The following PLCH2 variants were observed in gnomAD, a reference collection of about 807,000 sequenced individuals.
PLCH2 encodes the protein phospholipase C eta 2.
Under a neutral mutation model 134.7 loss-of-function variants are expected in PLCH2, and 98 were observed. The observed-to-expected ratio is 0.73, with a 90% confidence interval of 0.62 to 0.86. PLCH2 has a LOEUF of 0.86. Ranked by LOEUF, PLCH2 falls within the 40% of genes least tolerant of loss-of-function variation. PLCH2 has a pLI of 0.00. For missense variants in PLCH2, 1,994 were observed against 1,986.6 expected (o/e 1.00, Z -0.07); for synonymous variants, 974 against 827.5 (o/e 1.18, Z -3.04).
upstream of PLCH2, among the ~76,000 whole-genome samples, chr1:2,463,452 C>T (rs932934896): frequency 3.3e-5 from 5 of 152,216 alleles, no homozygotes; most frequent in Admixed American, 1.3e-4. Context: ...GTTTGCTGAA[C>T]GGGGCTGCAG....
Position 2,444,854 on chromosome 1 carries a change from C to T in PLCH2, c.115+14225C>T, listed in dbSNP as rs990679987. Among the ~76,000 whole-genome samples, 8 of 152,008 alleles carry T rather than the reference C, an allele frequency of 5.3e-5. No homozygotes were observed. Among genetic ancestry groups the T allele is most frequent in the African/African-American group, 1.2e-4 (5 of 41,372 alleles). On this transcript the variant is annotated intron_variant, in intron 2 of 3. Transcript: ENST00000609981. This position sits in a 1 kb window ranked among gnomAD's most constrained non-coding sequence, Gnocchi z 4.6. Reference sequence around the variant, plus strand: ...ACGTTGGTCTGGGGAGGCGGGGTCACGGTGCCCCAACACCCCTGACTTGGG... The same window carrying T: ...ACGTTGGTCTGGGGAGGCGGGGTCATGGTGCCCCAACACCCCTGACTTGGG...
chr1:2,447,122 C>G (rs1445279307), intron 2 of PLCH2, among the ~76,000 whole-genome samples: 1 of 152,242 alleles, frequency 6.6e-6, no homozygotes, highest in Non-Finnish European at 1.5e-5. Flanking sequence ...GAGCAGGCTC[C>G]TCATGCCTGC....
chr1:2,479,809 T>G lies in PLCH2; in HGVS notation c.347T>G (p.Phe116Cys). Residue 116 changes from phenylalanine (F) to cysteine (C), a missense_variant, in exon 3 of 22, where the codon TTC (phenylalanine) becomes TGC (cysteine). Phe to Cys is a radical substitution (Grantham distance 205). Around this residue, in one of 2 missense-constraint regions of PLCH2, gnomAD observed 1,094 missense variants for 1,234.3 expected, o/e 0.89. Transcript: ENST00000378486. ...EVFQRYPDGS[F>C]DPNCCFSIYH... is the part of the protein sequence containing the mutation. ...TTCCAGCGCTACCCTGACGGCAGCT[T>G]CGACCCCAACTGCTGCTTCAGCATC... 6.3e-7 allele frequency: 1 copy of G among 1,596,412 alleles called. No individual in the cohort carries two copies. Among genetic ancestry groups the G allele is most frequent in the Middle Eastern group, 1.7e-4 (1 of 6,032 alleles).
chr1:2,482,943 A>G (rs1432474394), intron 4 of PLCH2, among the ~76,000 whole-genome samples: 1 of 152,130 alleles, frequency 6.6e-6, no homozygotes. Context: ...GGCCCTTTGT[A>G]GCCTGCTTCC....
upstream of PLCH2, among the ~76,000 whole-genome samples, chr1:2,421,777 C>T (rs572726676): frequency 6.6e-6 from 1 of 152,178 alleles, no homozygotes; most frequent in African/African-American, 2.4e-5. Flanking sequence ...AGTTTGAGAC[C>T]AGCCTGGCCA....
chr1:2,457,928 G>A (rs1184650511), intron 2 of PLCH2, among the ~76,000 whole-genome samples: 4 of 151,526 alleles, frequency 2.6e-5, no homozygotes, highest in South Asian at 2.1e-4. Flanking sequence ...ATGGCCACCC[G>A]GCCCATGCTG....
At chr1:2,427,921 A>T (rs1364082837) in intron 1 of PLCH2, among the ~76,000 whole-genome samples, 1 of 152,020 alleles carries the variant, frequency 6.6e-6, no homozygotes, top group Admixed American at 6.5e-5. Context: ...CTGGGAACTT[A>T]GGGCTGTAGG....
intron 11 of PLCH2, chr1:2,492,474 C>G (rs1485424066): frequency 6.6e-6 from 1 of 152,248 alleles, no homozygotes; most frequent in East Asian, 1.9e-4. Context: ...GACCTCAGGT[C>G]TGAGCGGCTG....
At chr1:2,426,191 T>C (rs1638790078) in intron 1 of PLCH2, among the ~76,000 whole-genome samples, 1 of 152,226 alleles carries the variant, frequency 6.6e-6, no homozygotes. Context: ...TCTGTGCAGA[T>C]GTCAGCGCGG....
At chr1:2,453,533 CT>C (rs949017970) in intron 2 of PLCH2, among the ~76,000 whole-genome samples, 66 of 152,168 alleles carry the variant, frequency 4.3e-4, no homozygotes, top group African/African-American at 1.5e-3. Flanking sequence ...ACAGGACCTC[CT>C]TCACGTGTCC....
upstream of PLCH2, among the ~76,000 whole-genome samples, chr1:2,474,176 G>T (rs570031377): frequency 6.6e-6 from 1 of 152,136 alleles, no homozygotes; most frequent in African/African-American, 2.4e-5. Context: ...GACCTTGTGT[G>T]GGGGCTGGGC....
At chr1:2,468,406 C>G (rs988003012) in intron 1 of PLCH2, among the ~76,000 whole-genome samples, 1 of 152,368 alleles carries the variant, frequency 6.6e-6, no homozygotes, top group South Asian at 2.1e-4. Context: ...TGGCGGAAGC[C>G]CCGGGGCTGT....
chr1:2,496,227 G>A (rs970846412), intron 13 of PLCH2, among the ~76,000 whole-genome samples: 3 of 152,122 alleles, frequency 2.0e-5, no homozygotes, highest in Admixed American at 6.5e-5. Flanking sequence ...GCTGCCACCC[G>A]GCCGACACGG....
chr1:2,436,322 C>CT (rs151310325), intron 2 of PLCH2, among the ~76,000 whole-genome samples: 13 of 22,198 alleles, frequency 5.9e-4, no homozygotes, highest in Non-Finnish European at 7.6e-4. Flanking sequence ...CCCTTCCTCC[C>CT]TCCTCCCTTC....
rs1570286925 is a variant in PLCH2, at chr1:2,448,211, T to A, written c.115+17582T>A. Among the ~76,000 whole-genome samples the A allele has an allele frequency of 6.6e-6, 1 of 152,192 alleles. No homozygotes were observed. Among genetic ancestry groups the A allele is most frequent in the South Asian group, 2.1e-4 (1 of 4,824 alleles). Reference sequence around the variant, plus strand: ...GGAGGGGTGTGTTTCCTGCAGCTGCTGGGACCGGCTGCCGTGCACTGGCCA... The same window carrying A: ...GGAGGGGTGTGTTTCCTGCAGCTGCAGGGACCGGCTGCCGTGCACTGGCCA... On this transcript the variant is annotated intron_variant, in intron 2 of 3. Transcript: ENST00000609981. This position sits in a 1 kb window ranked among gnomAD's most constrained non-coding sequence, Gnocchi z 4.0.
At chr1:2,456,552 G>T (rs1267889054) in intron 2 of PLCH2, among the ~76,000 whole-genome samples, 1 of 152,240 alleles carries the variant, frequency 6.6e-6, no homozygotes, top group African/African-American at 2.4e-5. Flanking sequence ...GGGGTGGCTC[G>T]TCCTGTGCAG....
chr1:2,494,945 C>T lies in PLCH2; in HGVS notation c.1749C>T (p.Arg583=), dbSNP rs1421748330. The T allele has an allele frequency of 1.3e-6, 2 of 1,586,116 alleles. No homozygotes were observed. The highest frequency in any genetic ancestry group is 3.5e-5 in the Admixed American group (2 of 56,930). The part of the protein sequence containing the change: ...GRLVVGSFSR[R]KKKGSKLKKA... ...TCGTCGTGGGAAGCTTCTCCAGGCG[C>T]AAGGTCCGGCGCAGCTCCCAGGCCA... is the stretch of plus-strand genomic sequence containing the variant. Residue 583 remains arginine (R), a synonymous_variant, in exon 12 of 22, where the codon CGC becomes CGT. Coordinates refer to ENST00000378486, the MANE Select transcript of PLCH2 (RefSeq NM_014638.4).
At chr1:2,497,827 C>T (rs1247692057) in intron 16 of PLCH2, 4 of 509,118 alleles carry the variant, frequency 7.9e-6, no homozygotes, top group South Asian at 3.3e-5. Flanking sequence ...GGCCCAGCTC[C>T]GTCAGGAATC....
intron 2 of PLCH2, among the ~76,000 whole-genome samples, chr1:2,456,373 G>A (rs1410114699): frequency 6.6e-6 from 1 of 152,220 alleles, no homozygotes; most frequent in Admixed American, 6.5e-5. Flanking sequence ...TTGGGAGGCG[G>A]GGCGGCCCTG....
Sources: gnomAD v4.1 joint callset for allele counts (sites outside exome capture counted in the v4.1 genomes callset) on GRCh38, gnomAD v4.1.1 for gene constraint, gnomAD v4.1.1 regional missense constraint, Gnocchi (gnomAD v3.1) non-coding constraint, MANE v1.5 for transcripts, NCBI Gene and HGNC (gene_info 2026-07-23, HGNC 2026-07-21) for gene names.